Variants in STAT5B observed in about 807,000 individuals in gnomAD.
The protein encoded by STAT5B is signal transducer and activator of transcription 5B, also known as transcription factor STAT5B.
STAT5B carries 21 observed loss-of-function variants against 107.8 expected under a neutral mutation model. That is an observed-to-expected ratio of 0.19 (90% CI 0.14 to 0.28). STAT5B has a LOEUF of 0.28. Among genes scored for constraint, STAT5B ranks in the 10% least tolerant of loss-of-function variants. The pLI is 1.00. For synonymous variants in STAT5B, 325 were observed against 401.7 expected, an observed-to-expected ratio of 0.81 and a Z score of 2.28; for missense variants, 565 against 1,008.2, an observed-to-expected ratio of 0.56 and a Z score of 5.95.
chr17:42,215,098 G>A (rs762943947), intron 12 of STAT5B, among the ~76,000 whole-genome samples: 23 of 152,310 alleles, frequency 1.5e-4, no homozygotes, highest in East Asian at 3.9e-4. Flanking sequence ...TTCAGATAGC[G>A]TTTGGGTGCA....
chr17:42,232,107 A>G lies in STAT5B; in HGVS notation c.21T>C (p.Ala7=). 1 of 1,614,084 alleles carries G rather than the reference A, an allele frequency of 6.2e-7. No homozygotes were observed. Among genetic ancestry groups the G allele is most frequent in the Non-Finnish European group, 8.5e-7 (1 of 1,179,994 alleles). Residue 7 remains alanine (A), a synonymous_variant, in exon 2 of 19, where the codon GCT becomes GCC. Transcript: ENST00000293328. ...GAAGGGCTTCTCCTTGGAGCTGCTG[A>G]GCTTGTATCCACACAGCCATGGTTT... MAVWIQ[A]QQLQGEALHQ...
In STAT5B at chr17:42,219,962, C is replaced by T. The variant is rs1598304327; in HGVS notation, c.551-120G>A. 2.9e-5 allele frequency: 43 copies of T among 1,507,072 alleles called. 1 individual carries two copies. In the East Asian group the frequency reaches 1.0e-3, roughly 36 times the overall value. The allele number at this position is 1,507,072 out of a possible 1,614,324, so 93.4% of individuals were successfully genotyped here. On this transcript the variant is annotated intron_variant, in intron 5 of 18. Transcript: ENST00000293328. ...CTGGGCTCAGATACTGCATTAAGGG[C>T]AAGTCGGGGTTCCTGACAGCCAGGG... is the stretch of plus-strand genomic sequence containing the variant.
chr17:42,266,170 C>T (rs1430099792), intron 1 of STAT5B, among the ~76,000 whole-genome samples: 3 of 151,602 alleles, frequency 2.0e-5, no homozygotes, highest in Admixed American at 6.6e-5. Context: ...TCAAATTTAC[C>T]AATAAAACTG....
intron 1 of STAT5B, among the ~76,000 whole-genome samples, chr17:42,263,008 ATATATAT>A (rs1326611127): frequency 9.5e-4 from 43 of 45,410 alleles, no homozygotes; most frequent in African/African-American, 5.6e-3. Context: ...ATATATATAT[ATATATAT>A]AAAAAAACAA....
At chr17:42,206,393 A>G (rs2080085199) in intron 16 of STAT5B, among the ~76,000 whole-genome samples, 1 of 150,042 alleles carries the variant, frequency 6.7e-6, no homozygotes, top group African/African-American at 2.5e-5. Context: ...CCCGGCCTGA[A>G]TATGTTTCCT....
chr17:42,218,009 G>A (rs1242128414), intron 9 of STAT5B, 142 bp downstream of exon 9: 2 of 1,439,216 alleles, frequency 1.4e-6, no homozygotes, highest in East Asian at 2.5e-5. Flanking sequence ...CCAGGCCCAA[G>A]AACTTCCTTA....
chr17:42,246,112 G>C (rs967018147), intron 1 of STAT5B, among the ~76,000 whole-genome samples: 1 of 152,172 alleles, frequency 6.6e-6, no homozygotes, highest in African/African-American at 2.4e-5. Context: ...TTTTTGTAAA[G>C]TTTTTGATTA....
At chr17:42,237,135 G>A (rs1345697917) in intron 1 of STAT5B, among the ~76,000 whole-genome samples, 1 of 152,218 alleles carries the variant, frequency 6.6e-6, no homozygotes, top group Non-Finnish European at 1.5e-5. Flanking sequence ...AGCCCTGGAT[G>A]CAGAACCCTG....
At chr17:42,243,358 A>G (rs1408516013) in intron 1 of STAT5B, among the ~76,000 whole-genome samples, 1 of 152,108 alleles carries the variant, frequency 6.6e-6, no homozygotes, top group Non-Finnish European at 1.5e-5. Context: ...CTCTGTCTCA[A>G]AACAAACAAA....
At chr17:42,226,862 T>C (rs983960139) in intron 3 of STAT5B, among the ~76,000 whole-genome samples, 7 of 144,030 alleles carry the variant, frequency 4.9e-5, no homozygotes, top group African/African-American at 1.8e-4. Flanking sequence ...TAGTGGCTCA[T>C]GCCTATAATT....
At chr17:42,249,570 T>C (rs576484132) in intron 1 of STAT5B, among the ~76,000 whole-genome samples, 4 of 152,182 alleles carry the variant, frequency 2.6e-5, no homozygotes, top group South Asian at 2.1e-4. Flanking sequence ...TGACAACCAG[T>C]AGATATATAT....
intron 1 of STAT5B, chr17:42,275,543 A>C (rs1472419765): frequency 6.6e-6 from 1 of 152,176 alleles, no homozygotes; most frequent in Admixed American, 6.6e-5. Flanking sequence ...CTTTTGTGAT[A>C]CAACTCCCCT....
At chr17:42,256,750 T>C (rs1201698967) in intron 1 of STAT5B, among the ~76,000 whole-genome samples, 1 of 149,604 alleles carries the variant, frequency 6.7e-6, no homozygotes, top group African/African-American at 2.5e-5. Flanking sequence ...TAGTCCCAGC[T>C]ACTGGGGAGG....
intron 5 of STAT5B, among the ~76,000 whole-genome samples, chr17:42,220,378 G>C (rs149821287): frequency 0.015 from 2,209 of 152,272 alleles, 46 homozygotes; most frequent in African/African-American, 0.051. Context: ...TGAGGTTCGT[G>C]CTTCTTGGTT....
At chr17:42,217,093 T>C in intron 11 of STAT5B, 67 bp downstream of exon 11, 1 of 1,556,914 alleles carries the variant, frequency 6.4e-7, no homozygotes. Context: ...AAAAAAATAT[T>C]TTGTAACATA....
upstream of STAT5B, among the ~76,000 whole-genome samples, chr17:42,280,016 T>C (rs1234453790): frequency 2.0e-5 from 3 of 152,046 alleles, no homozygotes; most frequent in East Asian, 3.9e-4. Context: ...GCTTCTCTGC[T>C]TGACAGTTCT....
chr17:42,206,702 A>G (rs558806974), intron 16 of STAT5B, among the ~76,000 whole-genome samples: 22 of 151,472 alleles, frequency 1.5e-4, no homozygotes, highest in African/African-American at 5.1e-4. Context: ...AGCCTTCCCG[A>G]GTAGCTGGGA....
chr17:42,202,668 G>C, intron 17 of STAT5B, 89 bp downstream of exon 17: 1 of 1,604,700 alleles, frequency 6.2e-7, no homozygotes, highest in Non-Finnish European at 8.5e-7. Context: ...CCGGGGGAGC[G>C]GAAAGCTGGG....
At chr17:42,223,753 G>A (rs1289282825) in intron 4 of STAT5B, among the ~76,000 whole-genome samples, 197 bp from the exon 5 acceptor site, 1 of 152,128 alleles carries the variant, frequency 6.6e-6, no homozygotes, top group Non-Finnish European at 1.5e-5. Flanking sequence ...GACAGATCAT[G>A]GCTCAGATCA....
Sources: gnomAD v4.1 joint callset for allele counts (sites outside exome capture counted in the v4.1 genomes callset) on GRCh38, gnomAD v4.1.1 for gene constraint, MANE v1.5 for transcripts, NCBI Gene and HGNC (gene_info 2026-07-23, HGNC 2026-07-21) for gene names.